SV2C: variants seen among roughly 807,000 people sequenced by gnomAD.
SV2C encodes synaptic vesicle glycoprotein 2C, also known as solute carrier family 22 member B3.
In SV2C, 49 loss-of-function variants were observed where a neutral mutation model predicts 79.7. The observed-to-expected ratio is 0.61, with a 90% confidence interval of 0.49 to 0.78. SV2C has a LOEUF of 0.78. SV2C is among the 30% of genes least tolerant of loss of function. The probability of loss-of-function intolerance (pLI) is 0.00; values close to 1 mark genes in which losing one functional copy is unlikely to be tolerated. For missense variants in SV2C, 833 were observed against 912.9 expected (o/e 0.91, Z 1.13); for synonymous variants, 334 against 333.2 (o/e 1.00, Z -0.03).
intron 12 of SV2C, among the ~76,000 whole-genome samples, chr5:76,347,955 TTC>T (rs1352745234): frequency 6.6e-6 from 1 of 152,070 alleles, no homozygotes; most frequent in African/African-American, 2.4e-5. Flanking sequence ...TACCTTAGGG[TTC>T]TCTCTTGGTG....
intron 2 of SV2C, among the ~76,000 whole-genome samples, chr5:76,182,330 G>T (rs1743759747): frequency 6.6e-6 from 1 of 152,034 alleles, no homozygotes. Context: ...TCCCAAGCTG[G>T]AATCCTTAAT....
chr5:75,905,059 A>G, the SV2C span, among the ~76,000 whole-genome samples: 25,519 of 152,028 alleles, frequency 0.17, 6,382 homozygotes, highest in African/African-American at 0.55. Flanking sequence ...TGTTCCCAGA[A>G]CTCTACTTTT....
At chr5:76,161,456 A>G (rs1449773632) in intron 2 of SV2C, among the ~76,000 whole-genome samples, 2 of 152,124 alleles carry the variant, frequency 1.3e-5, no homozygotes, top group Non-Finnish European at 2.9e-5. Flanking sequence ...GCTGGAGTGC[A>G]GTGTAGCTGA....
chr5:75,920,912 C>G, the SV2C span: 16 of 741,592 alleles, frequency 2.2e-5, 1 homozygote, highest in South Asian at 2.1e-4. Flanking sequence ...CCTGCAGGCC[C>G]TGGTCTCGTG....
chr5:76,109,433 T>A (rs1157047047), intron 1 of SV2C, among the ~76,000 whole-genome samples: 2 of 152,222 alleles, frequency 1.3e-5, no homozygotes, highest in Non-Finnish European at 2.9e-5. Context: ...TTCTTAAGTA[T>A]AATCAAATGT....
rs1040755817 is a variant in SV2C at position 76,090,812 on chromosome 5, C to G, written c.-102+7300C>G. On this transcript the variant is annotated intron_variant, in intron 1 of 12. Transcript: ENST00000502798. Reference sequence around the variant, plus strand: ...TGAACTTTGGGGGGCTAAAATTTATCTAGGAGAAATATCTGAGATGTTTTA... The same window carrying G: ...TGAACTTTGGGGGGCTAAAATTTATGTAGGAGAAATATCTGAGATGTTTTA... Among the ~76,000 whole-genome samples, 15 of 152,246 alleles carry G rather than the reference C, an allele frequency of 9.9e-5. No homozygotes were observed. The South Asian group carries it at 1.7e-3, about 17-fold the overall frequency.
chr5:76,061,771 T>C, the SV2C span, among the ~76,000 whole-genome samples: 2 of 152,136 alleles, frequency 1.3e-5, no homozygotes, highest in African/African-American at 4.8e-5. Flanking sequence ...TATAGGAACG[T>C]GCCCCATAAA....
At chr5:76,255,303 G>C (rs1746230818) in intron 4 of SV2C, among the ~76,000 whole-genome samples, 1 of 152,160 alleles carries the variant, frequency 6.6e-6, no homozygotes, top group African/African-American at 2.4e-5. Context: ...TGTTTTCCCA[G>C]ACTGGAATTC....
At chr5:76,025,173 GTT>G in the SV2C span, among the ~76,000 whole-genome samples, 8,108 of 138,358 alleles carry the variant, frequency 0.059, 655 homozygotes, top group African/African-American at 0.19. Flanking sequence ...CCTTGAGCAC[GTT>G]TTTTTTTTTT....
Position 76,233,579 on chromosome 5 carries a change from T to C in SV2C, c.913+23692T>C, listed in dbSNP as rs1579969642. ...CAGTATGATATTTGCTGTGGGTTTG[T>C]CATAGATAGCTCTTATTATTTTGAA... is the stretch of plus-strand genomic sequence containing the variant. On this transcript the variant is annotated intron_variant, in intron 4 of 12. Transcript: ENST00000502798. Among the ~76,000 whole-genome samples, 3 of 148,314 alleles carry C rather than the reference T, an allele frequency of 2.0e-5. No individual in the cohort carries two copies. In the South Asian group the frequency reaches 6.3e-4, roughly 31 times the overall value.
the SV2C span, chr5:75,921,237 C>T: frequency 7.4e-7 from 1 of 1,355,450 alleles, no homozygotes; most frequent in Middle Eastern, 2.0e-4. Context: ...GGACACTTCC[C>T]TTTGACTTTG....
At chr5:76,153,136 T>C (rs1302562968) in intron 2 of SV2C, among the ~76,000 whole-genome samples, 1 of 152,196 alleles carries the variant, frequency 6.6e-6, no homozygotes. Context: ...CATCTTGAGC[T>C]GCTCCTATTT....
At chr5:76,264,549 T>G (rs148316555) in intron 4 of SV2C, among the ~76,000 whole-genome samples, 2,365 of 152,264 alleles carry the variant, frequency 0.016, 59 homozygotes, top group African/African-American at 0.052. Flanking sequence ...TTTGTGCTGG[T>G]TTTTCCTTGT....
chr5:76,292,087 G>A lies in SV2C; in HGVS notation c.1337+231G>A, dbSNP rs969143076. 5.3e-5 allele frequency among the ~76,000 whole-genome samples: 8 copies of A among 152,174 alleles called. No individual in the cohort carries two copies. The East Asian group carries it at 1.5e-3, about 29-fold the overall frequency. On this transcript the variant is annotated intron_variant, in intron 8 of 12. Coordinates refer to ENST00000502798, the MANE Select transcript of SV2C (RefSeq NM_014979.4). ...AATTGTATCTGCAAAATCCAGTAAG[G>A]CCCTGGATGATTTGCCCCATGACTT...
In SV2C at chr5:76,285,185, G is replaced by T; in HGVS notation, c.937G>T (p.Ala313Ser). Residue 313 changes from alanine to serine, a missense_variant, in exon 5 of 13, where the codon GCC becomes TCC. By Grantham distance (99) the Ala-to-Ser change is moderately conservative (BLOSUM62 1). Transcript: ENST00000502798. Reference sequence around the variant, plus strand: ...AGGGTGGAGCTTCAGCATGGGATCGGCCTACCAGTTTCACAGTTGGCGTGT... The same window carrying T: ...AGGGTGGAGCTTCAGCATGGGATCGTCCTACCAGTTTCACAGTTGGCGTGT... ...HYGWSFSMGS[A>S]YQFHSWRVFV... 2 of 1,614,170 alleles carry T rather than the reference G, an allele frequency of 1.2e-6. No individual in the cohort carries two copies. The highest frequency in any genetic ancestry group is 2.2e-5 in the South Asian group (2 of 91,078).
chr5:75,862,482 G>T, the SV2C span, among the ~76,000 whole-genome samples: 1,280 of 152,316 alleles, frequency 8.4e-3, 25 homozygotes, highest in African/African-American at 0.029. Context: ...TACAGATCAG[G>T]AAAGAGCTGA....
chr5:75,897,100 T>C, the SV2C span, among the ~76,000 whole-genome samples: 3 of 149,012 alleles, frequency 2.0e-5, no homozygotes, highest in Middle Eastern at 6.8e-3. Flanking sequence ...ATTTTGTCTT[T>C]TGTTGCCATT....
At chr5:76,099,411 T>C (rs1209118655) in intron 1 of SV2C, among the ~76,000 whole-genome samples, 2 of 151,722 alleles carry the variant, frequency 1.3e-5, no homozygotes, top group African/African-American at 4.8e-5. Flanking sequence ...CTTCATGTCC[T>C]GTTGCTGCTA....
the SV2C span, among the ~76,000 whole-genome samples, chr5:76,027,608 T>G: frequency 2.6e-5 from 4 of 152,360 alleles, no homozygotes; most frequent in African/African-American, 9.6e-5. Flanking sequence ...TGTTTAACTT[T>G]TTGAATATAC....
Sources: gnomAD v4.1 joint callset for allele counts (sites outside exome capture counted in the v4.1 genomes callset) on GRCh38, gnomAD v4.1.1 for gene constraint, MANE v1.5 for transcripts, NCBI Gene and HGNC (gene_info 2026-07-23, HGNC 2026-07-21) for gene names.